Variants in DYNC1I2 observed in about 807,000 individuals in gnomAD.
DYNC1I2 encodes cytoplasmic dynein 1 intermediate chain 2.
DYNC1I2 carries 53 observed loss-of-function variants against 88.6 expected under a neutral mutation model. That is an observed-to-expected ratio of 0.60 (90% CI 0.48 to 0.75). The LOEUF (loss-of-function observed/expected upper bound fraction) is 0.75, where lower values mean the gene tolerates loss of function less well. Among genes scored for constraint, DYNC1I2 ranks in the 30% least tolerant of loss-of-function variants. The pLI, the probability that DYNC1I2 is intolerant of heterozygous loss-of-function variation, is 0.00. For missense variants in DYNC1I2, 458 were observed against 766.6 expected, an observed-to-expected ratio of 0.60 and a Z score of 4.75; for synonymous variants, 198 against 254.6, an observed-to-expected ratio of 0.78 and a Z score of 2.12.
Position 171,728,863 on chromosome 2 carries a change from T to A in DYNC1I2, c.1391+13T>A, listed in dbSNP as rs370691352. Reference sequence around the variant, plus strand: ...GCCGCCATGGCAGGTAAACCTAAACTGGAATTTGCAATAATTTAAAATTCC... The same window carrying A: ...GCCGCCATGGCAGGTAAACCTAAACAGGAATTTGCAATAATTTAAAATTCC... On this transcript the variant is annotated intron_variant, in intron 14 of 17. Coordinates refer to ENST00000397119, the MANE Select transcript of DYNC1I2 (RefSeq NM_001378.3). 1.3e-4 allele frequency: 203 copies of A among 1,596,788 alleles called. No individual in the cohort carries two copies. Among genetic ancestry groups the A allele is most frequent in the Non-Finnish European group, 1.6e-4 (191 of 1,173,806 alleles).
At chr2:171,732,012 T>G (rs1335338596) in intron 15 of DYNC1I2, among the ~76,000 whole-genome samples, 1 of 152,210 alleles carries the variant, frequency 6.6e-6, no homozygotes, top group East Asian at 1.9e-4. Context: ...ATTCCTTGAT[T>G]TAACCCACCA....
chr2:171,746,030 A>C, intron 17 of DYNC1I2, 103 bp downstream of exon 17: 1 of 1,263,336 alleles, frequency 7.9e-7, no homozygotes, highest in Non-Finnish European at 1.1e-6. Flanking sequence ...TGAGTTGTTT[A>C]AACTATATGG....
In DYNC1I2 at chr2:171,715,362, A is replaced by G. The variant is rs1249258820; in HGVS notation, c.430A>G (p.Thr144Ala). 6.4e-7 allele frequency: 1 copy of G among 1,565,254 alleles called. No individual in the cohort carries two copies. The highest frequency in any genetic ancestry group is 8.7e-7 in the Non-Finnish European group (1 of 1,153,598). Residue 144 changes from threonine to alanine, a missense_variant, in exon 7 of 18, where the codon ACG (threonine) becomes GCG (alanine). Thr to Ala is a moderately conservative substitution (Grantham distance 58, BLOSUM62 0). Transcript: ENST00000397119. ...GPIKLGMAKI[T>A]QVDFPPREIV... ...TATTAAACTTGGAATGGCTAAAATC[A>G]CGCAAGTCGACTTTCCTCCTCGAGA... is the stretch of plus-strand genomic sequence containing the variant.
chr2:171,694,797 T>TGAGCAA (rs1293593983), intron 3 of DYNC1I2, among the ~76,000 whole-genome samples: 2 of 152,158 alleles, frequency 1.3e-5, no homozygotes, highest in Admixed American at 1.3e-4. Context: ...TCTCATGCAG[T>TGAGCAA]GAGCAAGAGC....
At chr2:171,744,263 CT>C in intron 16 of DYNC1I2, 74 bp downstream of exon 16, 17 of 1,458,612 alleles carry the variant, frequency 1.2e-5, no homozygotes, top group Admixed American at 7.2e-5. Context: ...TGTGAAATTC[CT>C]TTTTTTCCAA....
At chr2:171,713,427 GT>G (rs1292127052) in intron 6 of DYNC1I2, among the ~76,000 whole-genome samples, 1 of 149,370 alleles carries the variant, frequency 6.7e-6, no homozygotes, top group Non-Finnish European at 1.5e-5. Context: ...TTTTATTTTT[GT>G]TTTGTTTTTT....
intron 15 of DYNC1I2, among the ~76,000 whole-genome samples, chr2:171,739,696 CTTTTTTTTTTTT>C (rs201750115): frequency 1.5e-5 from 1 of 65,038 alleles, no homozygotes; most frequent in Admixed American, 2.1e-4. Context: ...TGACATATCT[CTTTTTTTTTTTT>C]TTTTTTTTTT....
At chr2:171,733,879 T>G (rs577006036) in intron 15 of DYNC1I2, among the ~76,000 whole-genome samples, 4 of 152,268 alleles carry the variant, frequency 2.6e-5, no homozygotes, top group Non-Finnish European at 5.9e-5. Context: ...CCCATGGCTA[T>G]GTACTGAATG....
rs1282675111 is a variant in DYNC1I2, at chr2:171,728,395, C to G, written c.1234C>G (p.Leu412Val). 6.3e-7 allele frequency: 1 copy of G among 1,594,506 alleles called. No individual in the cohort carries two copies. The highest frequency in any genetic ancestry group is 8.5e-7 in the Non-Finnish European group (1 of 1,171,782). Residue 412 changes from leucine (L) to valine (V), a missense_variant, in exon 13 of 18, where the codon CTG (leucine) becomes GTG (valine). By Grantham distance (32) the Leu-to-Val change is conservative. Coordinates refer to ENST00000397119, the MANE Select transcript of DYNC1I2 (RefSeq NM_001378.3). Reference sequence around the variant, plus strand: ...TGATGGAAAAATTTGTTCATGGAGTCTGGACATGCTTTCCCATCCACAGGT... The same window carrying G: ...TGATGGAAAAATTTGTTCATGGAGTGTGGACATGCTTTCCCATCCACAGGT... ...STDGKICSWSLDMLSHPQDSM... is the reference protein window; with the variant it reads ...STDGKICSWSVDMLSHPQDSM...
At chr2:171,737,633 G>T (rs992904268) in intron 15 of DYNC1I2, among the ~76,000 whole-genome samples, 1 of 152,114 alleles carries the variant, frequency 6.6e-6, no homozygotes, top group Non-Finnish European at 1.5e-5. Context: ...TGGCCAGGCT[G>T]GTCTCAAACT....
At chr2:171,690,651 TG>T in intron 2 of DYNC1I2, among the ~76,000 whole-genome samples, 1 of 150,812 alleles carries the variant, frequency 6.6e-6, no homozygotes, top group Non-Finnish European at 1.5e-5. Flanking sequence ...TTTTTTGTTT[TG>T]GGTTTTTTTT....
chr2:171,739,698 T>TCTCTCTC (rs1559406785), intron 15 of DYNC1I2, among the ~76,000 whole-genome samples: 1 of 25,470 alleles, frequency 3.9e-5, no homozygotes, highest in African/African-American at 9.5e-5. Context: ...ACATATCTCT[T>TCTCTCTC]TTTTTTTTTT....
chr2:171,714,347 G>A (rs927566407), intron 6 of DYNC1I2, among the ~76,000 whole-genome samples: 13 of 151,812 alleles, frequency 8.6e-5, no homozygotes, highest in Non-Finnish European at 1.5e-4. Flanking sequence ...CTTGGATTTA[G>A]TTACTAAATA....
chr2:171,747,799 T>A lies in DYNC1I2; in HGVS notation c.1827T>A (p.Asp609Glu), dbSNP rs1376904703. 6.2e-7 allele frequency: 1 copy of A among 1,610,880 alleles called. No homozygotes were observed. Among genetic ancestry groups the A allele is most frequent in the Non-Finnish European group, 8.5e-7 (1 of 1,179,090 alleles). The change falls in exon 18 of 18, where the codon GAT becomes GAA. Residue 609 changes from aspartate to glutamate, a missense_variant. This residue lies in a region of DYNC1I2 where 188 missense variants were observed against 300.4 expected (regional missense o/e 0.63). Coordinates refer to ENST00000397119, the MANE Select transcript of DYNC1I2 (RefSeq NM_001378.3). The part of the protein sequence containing the change: ...VGEQIAVPRN[D>E]EWARFGRTLA... ...AGCAGATTGCTGTTCCCCGCAATGATGAATGGGCACGGTTTGGCCGAACAC... is the reference window on the plus strand; with the variant it reads ...AGCAGATTGCTGTTCCCCGCAATGAAGAATGGGCACGGTTTGGCCGAACAC...
chr2:171,713,085 T>C (rs956019230), intron 6 of DYNC1I2, among the ~76,000 whole-genome samples: 1 of 152,152 alleles, frequency 6.6e-6, no homozygotes. Context: ...TTGTAGGATG[T>C]ATTAAAAAAC....
intron 5 of DYNC1I2, among the ~76,000 whole-genome samples, chr2:171,711,251 C>T (rs996007254): frequency 6.6e-6 from 1 of 152,126 alleles, no homozygotes; most frequent in African/African-American, 2.4e-5. Flanking sequence ...GATCTGCCCA[C>T]CTCGGCCTCC....
Position 171,698,487 on chromosome 2 carries a change from C to G in DYNC1I2, c.226+5593C>G, listed in dbSNP as rs188786590. ...GCAACCTCCGCCTCCCAGGCTTAAG[C>G]AATTCTCCCACTTCAACCACCCGGG... On this transcript the variant is annotated intron_variant, in intron 3 of 17. Coordinates refer to ENST00000397119, the MANE Select transcript of DYNC1I2 (RefSeq NM_001378.3). Among the ~76,000 whole-genome samples, 183 of 152,198 alleles carry G rather than the reference C, an allele frequency of 1.2e-3. 2 individuals are homozygous for G. The highest frequency in any genetic ancestry group is 4.2e-3 in the African/African-American group (173 of 41,536).
intron 1 of DYNC1I2, among the ~76,000 whole-genome samples, chr2:171,689,051 C>G (rs1009024471): frequency 6.6e-6 from 1 of 151,954 alleles, no homozygotes; most frequent in Non-Finnish European, 1.5e-5. Context: ...AAAACTCAAG[C>G]TGAAGTAGTG....
intron 3 of DYNC1I2, among the ~76,000 whole-genome samples, chr2:171,704,332 CTTTTTTTTTTTTTCT>C (rs1409770384): frequency 2.2e-5 from 3 of 139,474 alleles, no homozygotes; most frequent in Non-Finnish European, 3.1e-5. Context: ...CATGGTTTAG[CTTTTTTTTTTTTTCT>C]TTTTTTTTTT....
Sources: allele counts gnomAD v4.1 joint callset (sites outside exome capture counted in the v4.1 genomes callset), GRCh38; gene constraint gnomAD v4.1.1; regional missense constraint gnomAD v4.1.1; transcripts MANE v1.5; gene names NCBI Gene and HGNC (gene_info 2026-07-23, HGNC 2026-07-21).